ASIC2: variants seen among roughly 807,000 people sequenced by gnomAD.
ASIC2 encodes acid sensing ion channel subunit 2.
In ASIC2, 25 loss-of-function variants were observed where a neutral mutation model predicts 57.3. That is an observed-to-expected ratio of 0.44 (90% confidence interval 0.32 to 0.61). The LOEUF is 0.61. ASIC2 is among the 20% of genes least tolerant of loss of function. The probability of loss-of-function intolerance (pLI) is 0.06; values close to 1 mark genes in which losing one functional copy is unlikely to be tolerated. For missense variants in ASIC2, 641 were observed against 738.1 expected, an observed-to-expected ratio of 0.87 and a Z score of 1.52; for synonymous variants, 319 against 307.5, an observed-to-expected ratio of 1.04 and a Z score of -0.39.
intron 1 of ASIC2, among the ~76,000 whole-genome samples, chr17:34,110,994 C>A (rs1366648937): frequency 1.3e-5 from 2 of 152,092 alleles, no homozygotes; most frequent in Non-Finnish European, 2.9e-5. Context: ...GAGGACGAGG[C>A]TGGTGGATCA....
intron 1 of ASIC2, among the ~76,000 whole-genome samples, chr17:33,208,628 T>A (rs1322966678): frequency 1.3e-5 from 2 of 152,138 alleles, no homozygotes; most frequent in Non-Finnish European, 2.9e-5. Context: ...CACCTTATTC[T>A]ATTTTTATCA....
chr17:33,453,956 C>A (rs1203939461), intron 1 of ASIC2, among the ~76,000 whole-genome samples: 2 of 152,182 alleles, frequency 1.3e-5, no homozygotes, highest in African/African-American at 4.8e-5. Flanking sequence ...CTGCATGAAT[C>A]AATAGGTCAT....
chr17:33,185,442 G>A (rs1906153755), intron 1 of ASIC2, among the ~76,000 whole-genome samples: 1 of 152,132 alleles, frequency 6.6e-6, no homozygotes, highest in Non-Finnish European at 1.5e-5. Flanking sequence ...TCCAGACATG[G>A]ACAACAGGCA....
intron 1 of ASIC2, among the ~76,000 whole-genome samples, chr17:33,701,918 C>T (rs369607799): frequency 4.6e-5 from 7 of 152,160 alleles, no homozygotes; most frequent in African/African-American, 1.2e-4. Context: ...ACTTCTGATC[C>T]GATGGACAAT....
chr17:33,015,583 G>C (rs1019034314), intron 9 of ASIC2, among the ~76,000 whole-genome samples: 16 of 152,196 alleles, frequency 1.1e-4, no homozygotes, highest in African/African-American at 3.9e-4. Context: ...TTTCGAATGG[G>C]ATGGAGGGCC....
At chr17:33,562,417 C>A (rs188406595) in intron 1 of ASIC2, among the ~76,000 whole-genome samples, 13 of 152,308 alleles carry the variant, frequency 8.5e-5, no homozygotes, top group Admixed American at 7.2e-4. Flanking sequence ...TATGTGCTTT[C>A]AAATTGCCAT....
At chr17:33,137,997 C>A (rs1451134559) in intron 1 of ASIC2, among the ~76,000 whole-genome samples, 1 of 152,076 alleles carries the variant, frequency 6.6e-6, no homozygotes, top group Admixed American at 6.5e-5. Context: ...TTTCCGGTGA[C>A]CTTTAAAACA....
intron 1 of ASIC2, among the ~76,000 whole-genome samples, chr17:33,210,976 G>C (rs1286216013): frequency 6.6e-6 from 1 of 152,222 alleles, no homozygotes; most frequent in Non-Finnish European, 1.5e-5. Context: ...TGATGACTTA[G>C]CTGTCTATAG....
intron 1 of ASIC2, among the ~76,000 whole-genome samples, chr17:33,335,669 T>A (rs1226937225): frequency 6.6e-6 from 1 of 152,156 alleles, no homozygotes; most frequent in Non-Finnish European, 1.5e-5. Flanking sequence ...ACCACCAGGG[T>A]CACCAAGTGG....
intron 1 of ASIC2, among the ~76,000 whole-genome samples, chr17:33,237,917 T>C (rs319764): frequency 0.78 from 118,089 of 152,042 alleles, 46,517 homozygotes; most frequent in African/African-American, 0.89. Context: ...CGAGAACTTT[T>C]CCTGTGCCTC....
intron 1 of ASIC2, among the ~76,000 whole-genome samples, chr17:33,729,748 C>T (rs1265985174): frequency 6.6e-6 from 1 of 152,090 alleles, no homozygotes; most frequent in African/African-American, 2.4e-5. Flanking sequence ...CTGTGTAAAG[C>T]GCCTGGGATA....
intron 1 of ASIC2, among the ~76,000 whole-genome samples, chr17:33,797,814 G>T (rs932594939): frequency 6.6e-6 from 1 of 152,208 alleles, no homozygotes; most frequent in African/African-American, 2.4e-5. Context: ...ACTGCTCAGT[G>T]CTTGCAGCAG....
chr17:33,513,713 C>T (rs920728187), intron 1 of ASIC2, among the ~76,000 whole-genome samples: 2 of 152,208 alleles, frequency 1.3e-5, no homozygotes, highest in African/African-American at 4.8e-5. Context: ...TGTTCTCCTT[C>T]CTGCCACTCA....
At chr17:34,113,453 T>C (rs1054131413) in intron 1 of ASIC2, among the ~76,000 whole-genome samples, 2 of 151,918 alleles carry the variant, frequency 1.3e-5, no homozygotes, top group African/African-American at 2.4e-5. Flanking sequence ...CCCAGTTTCT[T>C]AGGAGGCTGA....
chr17:33,627,031 T>C (rs1038628412), intron 1 of ASIC2: 3 of 152,350 alleles, frequency 2.0e-5, no homozygotes, highest in African/African-American at 7.2e-5. Flanking sequence ...CATCAACACA[T>C]GCACAGGCAC....
At chr17:34,007,554 A>G (rs980954131) in intron 1 of ASIC2, among the ~76,000 whole-genome samples, 2 of 152,150 alleles carry the variant, frequency 1.3e-5, no homozygotes, top group African/African-American at 4.8e-5. Context: ...ATCAACCTTA[A>G]CAGAGGAGGT....
At chr17:33,772,389 G>T (rs892938780) in intron 1 of ASIC2, among the ~76,000 whole-genome samples, 4 of 152,088 alleles carry the variant, frequency 2.6e-5, no homozygotes, top group African/African-American at 9.7e-5. Flanking sequence ...ATATTTTGTT[G>T]AACTTAAGTA....
Position 33,773,008 on chromosome 17 carries a change from T to TA in ASIC2, c.555+382969dup, listed in dbSNP as rs560477094. 1.1e-4 allele frequency among the ~76,000 whole-genome samples: 16 copies of TA among 152,314 alleles called. No individual in the cohort carries two copies. The South Asian group carries it at 3.1e-3, about 30-fold the overall frequency. On this transcript the variant is annotated intron_variant, in intron 1 of 9. Coordinates refer to the ASIC2 transcript ENST00000359872. ...GTGCTTAATAAGTGGAAACGACTGT[T>TA]ATTTGTGCCTACTGCAGATGAAGAG... is the stretch of plus-strand genomic sequence containing the variant.
chr17:33,454,060 G>A (rs1410301224), intron 1 of ASIC2, among the ~76,000 whole-genome samples: 1 of 152,198 alleles, frequency 6.6e-6, no homozygotes, highest in Admixed American at 6.5e-5. Context: ...CTATTCCAAA[G>A]AAATCTGTGA....
Sources: allele counts gnomAD v4.1 joint callset (sites outside exome capture counted in the v4.1 genomes callset), GRCh38; gene constraint gnomAD v4.1.1; transcripts MANE v1.5; gene names NCBI Gene and HGNC (gene_info 2026-07-23, HGNC 2026-07-21).